ARHGEF19: variants seen among roughly 807,000 people sequenced by gnomAD.
ARHGEF19 encodes Rho guanine nucleotide exchange factor (GEF) 19.
ARHGEF19 carries 92 observed loss-of-function variants against 87.6 expected under a neutral mutation model. The ratio of observed to expected loss-of-function variants is 1.05; its 90% CI spans 0.89 to 1.25. The LOEUF (loss-of-function observed/expected upper bound fraction) is 1.25. ARHGEF19 is among the 50% of genes most tolerant of loss of function. ARHGEF19 has a pLI of 0.00. For synonymous variants in ARHGEF19, 438 were observed against 446.2 expected (o/e 0.98, Z 0.23); for missense variants, 1,054 against 1,051.8 (o/e 1.00, Z -0.03).
At chr1:16,201,705 C>T (rs1254834448) in intron 14 of ARHGEF19, 77 bp downstream of exon 14, 45 of 1,497,174 alleles carry the variant, frequency 3.0e-5, no homozygotes, top group Non-Finnish European at 4.0e-5. Context: ...GCCAGCAACA[C>T]AGCACCCAGG....
rs781549574 is a variant in ARHGEF19, at chr1:16,208,214, G to A, written c.424C>T (p.Arg142Trp). The A allele has an allele frequency of 6.2e-6, 10 of 1,612,272 alleles. No individual in the cohort carries two copies. The highest frequency in any genetic ancestry group is 8.5e-6 in the Non-Finnish European group (10 of 1,179,154). The part of the protein sequence containing the change: ...SEKKSAWRKM[R>W]VYQREEVPGC... Reference sequence around the variant, plus strand: ...GGGACCTCTTCACGCTGGTACACCCGCATCTTGCGCCCTAGGGTTGGGGGC... The same window carrying A: ...GGGACCTCTTCACGCTGGTACACCCACATCTTGCGCCCTAGGGTTGGGGGC... Residue 142 changes from arginine (R) to tryptophan (W), a missense_variant, in exon 3 of 16, where the codon CGG becomes TGG. By Grantham distance (101) the Arg-to-Trp change is moderately radical (BLOSUM62 -3). Transcript: ENST00000270747.
intron 13 of ARHGEF19, 94 bp downstream of exon 13, chr1:16,202,322 G>T: frequency 6.9e-7 from 1 of 1,445,916 alleles, no homozygotes; most frequent in East Asian, 2.5e-5. Flanking sequence ...TGTCCCAGGG[G>T]TGCCCGCCAT....
chr1:16,209,023 G>A lies in ARHGEF19; in HGVS notation c.32C>T (p.Pro11Leu). The A allele has an allele frequency of 2.7e-6, 4 of 1,500,378 alleles. No homozygotes were observed. Among genetic ancestry groups the A allele is most frequent in the East Asian group, 4.7e-5 (2 of 42,358 alleles). 92.9% of individuals were successfully genotyped at this position (1,500,378 alleles called of 1,614,324 possible). Residue 11 changes from proline to leucine, a missense_variant, in exon 2 of 16, where the codon CCC (proline) becomes CTC (leucine). Pro to Leu is a moderately conservative substitution (Grantham distance 98). Coordinates refer to ENST00000270747, the MANE Select transcript of ARHGEF19 (RefSeq NM_153213.5). Reference sequence around the variant, plus strand: ...AGTGCCAGGTGGCCCAGTCAGGTGGGGCTGGAGGGTAGCAGGTGGCCCACA... The same window carrying A: ...AGTGCCAGGTGGCCCAGTCAGGTGGAGCTGGAGGGTAGCAGGTGGCCCACA... MDCGPPATLQ[P>L]HLTGPPGTAH...
In ARHGEF19 at chr1:16,198,944, C is replaced by A. The variant is rs961961757; in HGVS notation, c.2252-200G>T. On this transcript the variant is annotated intron_variant, in intron 15 of 15. Coordinates refer to ENST00000270747, the MANE Select transcript of ARHGEF19 (RefSeq NM_153213.5). This position sits in a 1 kb window ranked among gnomAD's most constrained non-coding sequence, Gnocchi z 4.1. ...CTTCTGACCTGTTTTTCCTGATATC[C>A]TCTGAAAGGGTATTTCCCACTCTCC... 6.6e-6 allele frequency among the ~76,000 whole-genome samples: 1 copy of A among 152,132 alleles called. No individual in the cohort carries two copies. The highest frequency in any genetic ancestry group is 1.5e-5 in the Non-Finnish European group (1 of 68,022).
At position 16,207,921 on chromosome 1, in the gene ARHGEF19, G is replaced by C; in HGVS notation, c.694+23C>G. The C allele has an allele frequency of 6.4e-7, 1 of 1,555,772 alleles. No individual in the cohort carries two copies. Among genetic ancestry groups the C allele is most frequent in the Non-Finnish European group, 8.7e-7 (1 of 1,143,702 alleles). On this transcript the variant is annotated intron_variant, in intron 3 of 15. Transcript: ENST00000270747. The surrounding 1 kb of genome is among the most constrained non-coding windows in gnomAD (Gnocchi z 4.0). ...CCCACCCGGCATCTGGCTGCCCTCA[G>C]GGCCCATGGGAGGAGCTGGTACCTT...
intron 14 of ARHGEF19, among the ~76,000 whole-genome samples, chr1:16,200,702 C>T (rs1426650729): frequency 6.6e-6 from 1 of 152,022 alleles, no homozygotes; most frequent in Non-Finnish European, 1.5e-5. Context: ...CAAGATTGTG[C>T]CATTGCACTC....
chr1:16,202,559 G>A lies in ARHGEF19; in HGVS notation c.1923C>T (p.Ala641=), dbSNP rs1271712145. ...CAGCCATCTTGGCATGGACGAAAAC[G>A]GCAAACTTCCCTAGCCTGGAGGACC... is the stretch of plus-strand genomic sequence containing the variant. ...LSRRKELGKF[A]VFVHAKMAEL... Residue 641 remains alanine, a synonymous_variant, in exon 13 of 16, where the codon GCC becomes GCT. Transcript: ENST00000270747. The A allele has an allele frequency of 1.9e-5, 31 of 1,613,486 alleles. No homozygotes were observed. Among genetic ancestry groups the A allele is most frequent in the East Asian group, 4.5e-5 (2 of 44,872 alleles).
chr1:16,212,651 G>T lies in ARHGEF19; in HGVS notation c.-179C>A. ...AGCAAGGCAAGCTCCTGGGTATTGTGTGGGGCAGGGAGGGGGAGGTGAAGG... is the reference window on the plus strand; with the variant it reads ...AGCAAGGCAAGCTCCTGGGTATTGTTTGGGGCAGGGAGGGGGAGGTGAAGG... On this transcript the variant is annotated 5_prime_UTR_variant, in exon 1 of 16. Coordinates refer to ENST00000270747, the MANE Select transcript of ARHGEF19 (RefSeq NM_153213.5). The T allele has an allele frequency of 6.6e-6, 1 of 152,616 alleles. No homozygotes were observed. The allele number at this position is 152,616 out of a possible 1,614,324, so 9.5% of individuals were successfully genotyped here.
Position 16,206,330 on chromosome 1 carries a change from T to C in ARHGEF19, c.1148A>G (p.Glu383Gly). Residue 383 changes from glutamate (E) to glycine (G), a missense_variant, in exon 7 of 16, where the codon GAG (glutamate) becomes GGG (glycine). Glu to Gly is a moderately conservative substitution (Grantham distance 98). Coordinates refer to ENST00000270747, the MANE Select transcript of ARHGEF19 (RefSeq NM_153213.5). This position sits in a 1 kb window ranked among gnomAD's most constrained non-coding sequence, Gnocchi z 4.6. ...RDCKLQEAKF[E>G]LITSEASYIH... ...GTAGGAGGCCTCGGAGGTGATCAGC[T>C]CAAACTTGGCCTGAGGGAGGGCACA... 1 of 1,577,936 alleles carries C rather than the reference T, an allele frequency of 6.3e-7. No individual in the cohort carries two copies.
rs1374940178 is a variant in ARHGEF19 at position 16,208,713 on chromosome 1, C to T, written c.342G>A (p.Glu114=). Residue 114 remains glutamate, a synonymous_variant, in exon 2 of 16, where the codon GAG becomes GAA. Coordinates refer to ENST00000270747, the MANE Select transcript of ARHGEF19 (RefSeq NM_153213.5). ...HCPGAQPPAL[E]GPWSPRHTQP... ...GTGTGTGTCGGGGACTCCAGGGTCC[C>T]TCCAGAGCTGGGGGCTGGGCACCAG... The T allele has an allele frequency of 1.9e-6, 3 of 1,608,460 alleles. No homozygotes were observed. The highest frequency in any genetic ancestry group is 2.2e-5 in the East Asian group (1 of 44,784).
intron 14 of ARHGEF19, among the ~76,000 whole-genome samples, chr1:16,199,541 C>T (rs1036421864): frequency 2.6e-5 from 4 of 152,224 alleles, no homozygotes; most frequent in Non-Finnish European, 4.4e-5. Flanking sequence ...CTCCCCAGCT[C>T]AAGCCAACAC....
In ARHGEF19 at chr1:16,204,767, C is replaced by T; in HGVS notation, c.1899G>A (p.Arg633=). 6.3e-7 allele frequency: 1 copy of T among 1,598,790 alleles called. No homozygotes were observed. The highest frequency in any genetic ancestry group is 1.7e-5 in the Admixed American group (1 of 58,922). Residue 633 remains arginine (R), a synonymous_variant, in exon 12 of 16, where the codon CGG becomes CGA. Coordinates refer to ENST00000270747, the MANE Select transcript of ARHGEF19 (RefSeq NM_153213.5). ...TGACTGCCCCGACTCACTCCTTCCGCCGAGAGAGCAGCAAGCAGTCATTGA... is the reference window on the plus strand; with the variant it reads ...TGACTGCCCCGACTCACTCCTTCCGTCGAGAGAGCAGCAAGCAGTCATTGA... The part of the protein sequence containing the change: ...HLFNDCLLLS[R]RKELGKFAVF...
In ARHGEF19 at chr1:16,204,751, C is replaced by T. The variant is rs1569705147; in HGVS notation, c.1907+8G>A. On this transcript the variant is annotated splice_region_variant and intron_variant, in intron 12 of 15. Coordinates refer to ENST00000270747, the MANE Select transcript of ARHGEF19 (RefSeq NM_153213.5). ...TTTACCTACCCACCCCTGACTGCCC[C>T]GACTCACTCCTTCCGCCGAGAGAGC... The T allele has an allele frequency of 9.5e-6, 15 of 1,581,220 alleles. No homozygotes were observed. Among genetic ancestry groups the T allele is most frequent in the Non-Finnish European group, 1.2e-5 (14 of 1,159,632 alleles).
In ARHGEF19 at chr1:16,204,935, A is replaced by C; in HGVS notation, c.1747-16T>G. 1 of 1,592,392 alleles carries C rather than the reference A, an allele frequency of 6.3e-7. No individual in the cohort carries two copies. Among genetic ancestry groups the C allele is most frequent in the South Asian group, 1.1e-5 (1 of 87,802 alleles). On this transcript the variant is annotated splice_polypyrimidine_tract_variant and intron_variant, in intron 11 of 15. Transcript: ENST00000270747. The stretch of plus-strand genomic sequence containing the variant: ...GCGGGAAAATCTAGAGGGATGGAGA[A>C]GGATGGGTCAGGCCCAGGGGCACCA...
At chr1:16,202,314 T>C in intron 13 of ARHGEF19, 102 bp downstream of exon 13, 1 of 1,440,134 alleles carries the variant, frequency 6.9e-7, no homozygotes, top group Non-Finnish European at 9.3e-7. Flanking sequence ...GGCCAGGATG[T>C]CCCAGGGGTG....
chr1:16,209,392 C>T (rs2081177390), intron 1 of ARHGEF19, among the ~76,000 whole-genome samples: 1 of 152,142 alleles, frequency 6.6e-6, no homozygotes, highest in South Asian at 2.1e-4. Flanking sequence ...ATGGTGGAGC[C>T]AGGATTCTAA....
At position 16,205,998 on chromosome 1, in the gene ARHGEF19, A is replaced by G. The variant is rs746747728; in HGVS notation, c.1384T>C (p.Phe462Leu). ...CDVVLDHCPA[F>L]RRVYLPYVTN... ...ACATAGGGCAGGTAGACTCTGCGGA[A>G]GGCCGGGCAGTGGTCCAGCACCACG... Residue 462 changes from phenylalanine to leucine, a missense_variant, in exon 8 of 16, where the codon TTC becomes CTC. Physicochemically the swap from Phe to Leu is conservative, Grantham distance 22 (BLOSUM62 0). Coordinates refer to ENST00000270747, the MANE Select transcript of ARHGEF19 (RefSeq NM_153213.5). This position sits in a 1 kb window ranked among gnomAD's most constrained non-coding sequence, Gnocchi z 5.8. The G allele has an allele frequency of 1.2e-6, 2 of 1,609,358 alleles. No homozygotes were observed. Among genetic ancestry groups the G allele is most frequent in the East Asian group, 2.2e-5 (1 of 44,732 alleles).
At chr1:16,200,614 G>A (rs1557537718) in intron 14 of ARHGEF19, among the ~76,000 whole-genome samples, 1 of 152,150 alleles carries the variant, frequency 6.6e-6, no homozygotes, top group Non-Finnish European at 1.5e-5. Context: ...CATGGTGGCA[G>A]GCGCCTATAA....
intron 1 of ARHGEF19, among the ~76,000 whole-genome samples, chr1:16,210,905 G>A (rs1418034634): frequency 6.6e-6 from 1 of 152,174 alleles, no homozygotes; most frequent in Non-Finnish European, 1.5e-5. Flanking sequence ...GACCCAGCGA[G>A]AGATGGCTGG....
Sources: allele counts gnomAD v4.1 joint callset (sites outside exome capture counted in the v4.1 genomes callset), GRCh38; gene constraint gnomAD v4.1.1; non-coding constraint Gnocchi (gnomAD v3.1); transcripts MANE v1.5; gene names NCBI Gene and HGNC (gene_info 2026-07-23, HGNC 2026-07-21).